GKN2: variants seen among roughly 807,000 people sequenced by gnomAD.
GKN2 encodes the protein gastrokine 2.
A neutral mutation model predicts 22.7 loss-of-function variants in GKN2; 17 were observed. The observed-to-expected ratio is 0.75, with a 90% confidence interval of 0.51 to 1.13. GKN2 has a LOEUF of 1.13. Ranked by LOEUF, GKN2 falls within the 50% of genes most tolerant of loss-of-function variation. GKN2 has a pLI of 0.00. For missense variants in GKN2, 248 were observed against 221.4 expected, an observed-to-expected ratio of 1.12 and a Z score of -0.76; for synonymous variants, 82 against 79.6, an observed-to-expected ratio of 1.03 and a Z score of -0.16.
At chr2:68,946,610 T>C in intron 4 of GKN2, 150 bp from the exon 5 acceptor site, 1 of 621,044 alleles carries the variant, frequency 1.6e-6, no homozygotes. Flanking sequence ...GAACACTCTA[T>C]CTGTGAAGTA....
chr2:68,946,594 C>G (rs1037807758), intron 4 of GKN2, 134 bp from the exon 5 acceptor site: 6 of 670,982 alleles, frequency 8.9e-6, no homozygotes, highest in Non-Finnish European at 1.4e-5. Context: ...GACATCATCT[C>G]TTTTTGAACA....
chr2:68,950,346 G>T, intron 2 of GKN2, 83 bp from the exon 3 acceptor site: 1 of 1,354,814 alleles, frequency 7.4e-7, no homozygotes, highest in Admixed American at 2.3e-5. Flanking sequence ...TAAAGCAGCT[G>T]CCTGCTATGA....
At chr2:68,946,964 C>T (rs1302023671) in intron 4 of GKN2, among the ~76,000 whole-genome samples, 183 bp downstream of exon 4, 1 of 152,134 alleles carries the variant, frequency 6.6e-6, no homozygotes, top group Non-Finnish European at 1.5e-5. Context: ...CTAAGATTTG[C>T]TCCTGCTCTT....
intron 3 of GKN2, among the ~76,000 whole-genome samples, 177 bp downstream of exon 3, chr2:68,949,948 GT>G (rs1401513032): frequency 6.6e-6 from 1 of 152,136 alleles, no homozygotes; most frequent in East Asian, 1.9e-4. Flanking sequence ...CTTCAAAATG[GT>G]TTTGTTTTTT....
At position 68,947,132 on chromosome 2, in the gene GKN2, G is replaced by A. The variant is rs763889387; in HGVS notation, c.315+15C>T. The A allele has an allele frequency of 6.7e-6, 10 of 1,485,698 alleles. No individual in the cohort carries two copies. Among genetic ancestry groups the A allele is most frequent in the Admixed American group, 6.7e-5 (4 of 59,852 alleles). The allele number at this position is 1,485,698 out of a possible 1,614,324, so 92.0% of individuals were successfully genotyped here. On this transcript the variant is annotated intron_variant, in intron 4 of 5. Coordinates refer to ENST00000328895, the MANE Select transcript of GKN2 (RefSeq NM_182536.3). ...GCTTAAGAACAGAGAATACTCAAGA[G>A]TGCCCCAGAATTACCTGTTTCTCAT...
chr2:68,946,180 C>G (rs1428066800), intron 5 of GKN2, 124 bp downstream of exon 5: 1 of 792,550 alleles, frequency 1.3e-6, no homozygotes, highest in Non-Finnish European at 1.9e-6. Flanking sequence ...TAATTAATTC[C>G]CAAAGCAAAC....
At chr2:68,945,746 G>A (rs532492346) in intron 5 of GKN2, 95 of 261,734 alleles carry the variant, frequency 3.6e-4, no homozygotes, top group African/African-American at 1.9e-3. Flanking sequence ...TCATCAGTTG[G>A]CCCGACCTCT....
chr2:68,946,519 T>G, intron 4 of GKN2, 59 bp from the exon 5 acceptor site: 1 of 1,375,786 alleles, frequency 7.3e-7, no homozygotes. Context: ...TTGGTGTACC[T>G]TATTCTAAAT....
In GKN2 at chr2:68,945,276, A is replaced by C; in HGVS notation, c.*92T>G. On this transcript the variant is annotated 3_prime_UTR_variant, in exon 6 of 6. Transcript: ENST00000328895. ...TATTTTCTGACTGAATCTCAAAATTAGTTGGGGCATTGGGAAAGAATTTAA... is the reference window on the plus strand; with the variant it reads ...TATTTTCTGACTGAATCTCAAAATTCGTTGGGGCATTGGGAAAGAATTTAA... 1 of 860,860 alleles carries C rather than the reference A, an allele frequency of 1.2e-6. No homozygotes were observed. 53.3% of individuals were successfully genotyped at this position (860,860 alleles called of 1,614,324 possible).
At chr2:68,949,457 TC>T (rs1037079616) in intron 3 of GKN2, among the ~76,000 whole-genome samples, 2 of 152,166 alleles carry the variant, frequency 1.3e-5, no homozygotes, top group African/African-American at 4.8e-5. Context: ...TCTCGTTTTG[TC>T]ACCCAGGCTG....
chr2:68,948,807 C>T (rs985805514), intron 3 of GKN2, among the ~76,000 whole-genome samples: 4 of 152,094 alleles, frequency 2.6e-5, no homozygotes, highest in Admixed American at 2.6e-4. Flanking sequence ...ATTGTCAGTT[C>T]CTAAAATTCA....
At chr2:68,948,090 A>G (rs1036541635) in intron 3 of GKN2, among the ~76,000 whole-genome samples, 6 of 151,910 alleles carry the variant, frequency 3.9e-5, no homozygotes, top group Non-Finnish European at 5.9e-5. Context: ...CTAAAAATAC[A>G]AAAAATTTAG....
At position 68,947,226 on chromosome 2, in the gene GKN2, C is replaced by G. The variant is rs368576390; in HGVS notation, c.236G>C (p.Arg79Thr). 3 of 1,613,868 alleles carry G rather than the reference C, an allele frequency of 1.9e-6. No individual in the cohort carries two copies. The highest frequency in any genetic ancestry group is 2.5e-6 in the Non-Finnish European group (3 of 1,179,778). Residue 79 changes from arginine (R) to threonine (T), a missense_variant, in exon 4 of 6, where the codon AGA becomes ACA. By Grantham distance (71) the Arg-to-Thr change is moderately conservative (BLOSUM62 -1). Transcript: ENST00000328895. Reference protein sequence around the residue: ...GYIASRVLSRRACFILKMDHQ... With the variant: ...GYIASRVLSRTACFILKMDHQ... ...GTCCATCTTCAGGATAAAGCAGGCT[C>G]TTCGGGAGAGCACCCTGGATGCAAT...
Position 68,947,223 on chromosome 2 carries a change from G to T in GKN2, c.239C>A (p.Ala80Asp), listed in dbSNP as rs895501714. 1.2e-6 allele frequency: 2 copies of T among 1,613,852 alleles called. No homozygotes were observed. The highest frequency in any genetic ancestry group is 4.5e-5 in the East Asian group (2 of 44,864). ...ATGGTCCATCTTCAGGATAAAGCAG[G>T]CTCTTCGGGAGAGCACCCTGGATGC... Reference protein sequence around the residue: ...YIASRVLSRRACFILKMDHQN... With the variant: ...YIASRVLSRRDCFILKMDHQN... Residue 80 changes from alanine (A) to aspartate (D), a missense_variant, in exon 4 of 6, where the codon GCC becomes GAC. Transcript: ENST00000328895.
intron 3 of GKN2, among the ~76,000 whole-genome samples, chr2:68,948,280 A>G (rs1669802053): frequency 6.6e-6 from 1 of 151,714 alleles, no homozygotes; most frequent in Non-Finnish European, 1.5e-5. Flanking sequence ...TGTGCTGTCC[A>G]ATATGATAGT....
At chr2:68,950,790 G>C (rs1378270690) in intron 1 of GKN2, 35 bp from the exon 2 acceptor site, 2 of 1,608,180 alleles carry the variant, frequency 1.2e-6, no homozygotes, top group Admixed American at 3.3e-5. Flanking sequence ...ATTCTTTATA[G>C]GGTAGTCATT....
At position 68,945,445 on chromosome 2, in the gene GKN2, C is replaced by A; in HGVS notation, c.478G>T (p.Val160Phe). The A allele has an allele frequency of 6.2e-7, 1 of 1,604,522 alleles. No individual in the cohort carries two copies. Among genetic ancestry groups the A allele is most frequent in the Non-Finnish European group, 8.5e-7 (1 of 1,175,274 alleles). The part of the protein sequence containing the change: ...KGEVVENTHN[V>F]GAGGCAKAGL... ...GCCTTTGCACAGCCTCCAGCACCGA[C>A]ATTATCTGGAAAAGGGAAAATTTTT... Residue 160 changes from valine to phenylalanine, a missense_variant, in exon 6 of 6, where the codon GTC (valine) becomes TTC (phenylalanine). Physicochemically the swap from Val to Phe is conservative, Grantham distance 50. Coordinates refer to ENST00000328895, the MANE Select transcript of GKN2 (RefSeq NM_182536.3).
intron 3 of GKN2, among the ~76,000 whole-genome samples, chr2:68,949,579 C>T (rs1669824604): frequency 2.0e-5 from 3 of 151,988 alleles, no homozygotes. Flanking sequence ...ACCACCACAC[C>T]CAGCTAATTT....
chr2:68,946,342 T>C lies in GKN2; in HGVS notation c.434A>G (p.His145Arg), dbSNP rs1669764775. 2.5e-6 allele frequency: 4 copies of C among 1,613,650 alleles called. No individual in the cohort carries two copies. In the African/African-American group the frequency reaches 4.0e-5, roughly 16 times the overall value. Residue 145 changes from histidine (H) to arginine (R), a missense_variant, in exon 5 of 6, where the codon CAT (histidine) becomes CGT (arginine). His to Arg is a conservative substitution (Grantham distance 29). Coordinates refer to ENST00000328895, the MANE Select transcript of GKN2 (RefSeq NM_182536.3). ...CACTTCCCCCTTATACAAAGGGATA[T>C]GTTTGCAGAGTTTCTCAATGGGTGA... ...LGSPIEKLCK[H>R]IPLYKGEVVE...
Sources: gnomAD v4.1 joint callset for allele counts (sites outside exome capture counted in the v4.1 genomes callset) on GRCh38, gnomAD v4.1.1 for gene constraint, MANE v1.5 for transcripts, NCBI Gene and HGNC (gene_info 2026-07-23, HGNC 2026-07-21) for gene names.